Variants in SLC5A10 observed in about 807,000 individuals in gnomAD.
The protein encoded by SLC5A10 is solute carrier family 5 member 10.
Under a neutral mutation model 68.9 loss-of-function variants are expected in SLC5A10, and 55 were observed. The observed-to-expected ratio is 0.80, with a 90% CI of 0.64 to 1.00. The LOEUF (loss-of-function observed/expected upper bound fraction) is 1.00. SLC5A10 is among the 50% of genes least tolerant of loss of function. The probability of loss-of-function intolerance (pLI) is 0.00; values close to 1 mark genes in which losing one functional copy is unlikely to be tolerated. For missense variants in SLC5A10, 732 were observed against 819.3 expected, an observed-to-expected ratio of 0.89 and a Z score of 1.30; for synonymous variants, 344 against 344.8, an observed-to-expected ratio of 1.00 and a Z score of 0.02.
intron 9 of SLC5A10, among the ~76,000 whole-genome samples, chr17:19,005,966 G>C (rs1597900634): frequency 6.6e-6 from 1 of 152,300 alleles, no homozygotes; most frequent in East Asian, 1.9e-4. Context: ...CTCTGCTACT[G>C]TGGATCCCCT....
chr17:18,990,965 C>T (rs754264113), intron 9 of SLC5A10, among the ~76,000 whole-genome samples: 6 of 152,208 alleles, frequency 3.9e-5, no homozygotes, highest in Non-Finnish European at 7.3e-5. Context: ...CCCAGAGCAC[C>T]TTCTGCACAA....
At chr17:18,978,734 C>A (rs770977614) in intron 9 of SLC5A10, 110 of 1,612,872 alleles carry the variant, frequency 6.8e-5, no homozygotes, top group Non-Finnish European at 9.2e-5. Flanking sequence ...GCCCTTGAGG[C>A]TCACACTGTG....
At chr17:18,979,774 G>A in intron 9 of SLC5A10, 2 of 1,350,518 alleles carry the variant, frequency 1.5e-6, no homozygotes, top group Non-Finnish European at 2.1e-6. Context: ...GGACTCTGGA[G>A]TAGTCAGGAG....
chr17:19,008,222 C>T (rs757859355), intron 9 of SLC5A10, among the ~76,000 whole-genome samples: 39 of 152,318 alleles, frequency 2.6e-4, no homozygotes, highest in South Asian at 4.1e-4. Context: ...ACCCTGGGTG[C>T]TTTCCCCCAC....
At position 19,003,503 on chromosome 17, in the gene SLC5A10, T is replaced by A; in HGVS notation, c.983-9907T>A. On this transcript the variant is annotated intron_variant, in intron 9 of 14. Transcript: ENST00000395645. This position sits in a 1 kb window ranked among gnomAD's most constrained non-coding sequence, Gnocchi z 4.5. ...GCTGGTTGGGCCATGGCTCCAGGAGTCCCCGCGCTGCCTCACCTTCTGTGC... is the reference window on the plus strand; with the variant it reads ...GCTGGTTGGGCCATGGCTCCAGGAGACCCCGCGCTGCCTCACCTTCTGTGC... 2 of 1,516,478 alleles carry A rather than the reference T, an allele frequency of 1.3e-6. No homozygotes were observed. Among genetic ancestry groups the A allele is most frequent in the Non-Finnish European group, 1.8e-6 (2 of 1,131,688 alleles). 93.9% of individuals were successfully genotyped at this position (1,516,478 alleles called of 1,614,324 possible). A position where few individuals can be genotyped will look rare whatever the true frequency, so the allele number is the denominator to read the frequency against.
intron 7 of SLC5A10, chr17:18,970,809 G>A (rs990029106): frequency 2.2e-5 from 13 of 587,342 alleles, no homozygotes; most frequent in African/African-American, 5.6e-5. Context: ...TTTTAAATAC[G>A]AATAAAATAG....
At chr17:18,985,085 C>T (rs1267191230) in intron 9 of SLC5A10, among the ~76,000 whole-genome samples, 2 of 152,214 alleles carry the variant, frequency 1.3e-5, no homozygotes, top group Admixed American at 6.5e-5. Context: ...GGGTGAACCA[C>T]AGCCAGACCC....
At chr17:19,009,419 C>T (rs114381413) in intron 9 of SLC5A10, among the ~76,000 whole-genome samples, 28 of 152,190 alleles carry the variant, frequency 1.8e-4, no homozygotes, top group African/African-American at 6.7e-4. Context: ...TGGGGTCTCC[C>T]TATATTGGTC....
intron 9 of SLC5A10, among the ~76,000 whole-genome samples, chr17:18,988,578 G>A (rs1156680878): frequency 6.6e-6 from 1 of 152,238 alleles, no homozygotes; most frequent in Non-Finnish European, 1.5e-5. Flanking sequence ...GAGGGGCCAG[G>A]GGCCTCTCTT....
intron 4 of SLC5A10, among the ~76,000 whole-genome samples, chr17:18,960,175 C>T (rs1364972561): frequency 6.6e-6 from 1 of 152,246 alleles, no homozygotes; most frequent in Non-Finnish European, 1.5e-5. Context: ...CTGTCCCCAG[C>T]TCTGCCCCTC....
rs115528603 is a variant in SLC5A10 at position 18,999,609 on chromosome 17, G to A, written c.983-13801G>A. ...AAAGTGCCCGCTCAGCACCTGGCGC[G>A]GGGCTGGCATTTAGTAAGCACCTCA... is the stretch of plus-strand genomic sequence containing the variant. On this transcript the variant is annotated intron_variant, in intron 9 of 14. Transcript: ENST00000395645. 2.0e-3 allele frequency among the ~76,000 whole-genome samples: 304 copies of A among 152,334 alleles called. 1 individual carries two copies. The highest frequency in any genetic ancestry group is 6.9e-3 in the African/African-American group (285 of 41,574).
intron 10 of SLC5A10, 36 bp downstream of exon 10, chr17:19,013,553 G>A (rs759642697): frequency 1.6e-5 from 25 of 1,535,824 alleles, no homozygotes; most frequent in Admixed American, 1.0e-4. Flanking sequence ...GGTGGAGGGC[G>A]TGGGGTTGGA....
At chr17:18,954,471 G>A (rs1265191778) in intron 1 of SLC5A10, among the ~76,000 whole-genome samples, 2 of 152,184 alleles carry the variant, frequency 1.3e-5, no homozygotes, top group Non-Finnish European at 2.9e-5. Context: ...GTCCCTCCTA[G>A]CAGGCTAGGC....
Position 18,969,059 on chromosome 17 carries a change from T to C in SLC5A10, c.461T>C (p.Leu154Pro), listed in dbSNP as rs775806535. ...LSVFTKISLD[L>P]YAGALFVHIC... ...GGCTCTCTCCCTCCGCAGCTGGACCTGTACGCGGGGGCTCTGTTTGTGCAC... is the reference window on the plus strand; with the variant it reads ...GGCTCTCTCCCTCCGCAGCTGGACCCGTACGCGGGGGCTCTGTTTGTGCAC... The change falls in exon 6 of 15, where the codon CTG (leucine) becomes CCG (proline). Residue 154 changes from leucine (L) to proline (P), a missense_variant. Transcript: ENST00000395645. The C allele has an allele frequency of 6.2e-7, 1 of 1,613,392 alleles. No homozygotes were observed. Among genetic ancestry groups the C allele is most frequent in the Non-Finnish European group, 8.5e-7 (1 of 1,179,682 alleles).
At chr17:18,961,145 C>T (rs2042606606) in intron 5 of SLC5A10, among the ~76,000 whole-genome samples, 1 of 152,178 alleles carries the variant, frequency 6.6e-6, no homozygotes. Flanking sequence ...CAGGAGCACA[C>T]CTCGAATGTC....
rs1197978609 is a variant in SLC5A10 at position 18,952,170 on chromosome 17, C to T, written c.-36C>T. On this transcript the variant is annotated 5_prime_UTR_variant, in exon 1 of 15. Coordinates refer to ENST00000395645, the MANE Select transcript of SLC5A10 (RefSeq NM_001042450.4). ...TCTGACCTGGTTTGCCCCTCAGTCC[C>T]TCGGGCTCATACCTAGTGCCTGCGG... is the stretch of plus-strand genomic sequence containing the variant. 6 of 1,598,248 alleles carry T rather than the reference C, an allele frequency of 3.8e-6. No homozygotes were observed. The East Asian group carries it at 9.1e-5, about 24-fold the overall frequency.
In SLC5A10 at chr17:19,019,857, G is replaced by A. The variant is rs751294770; in HGVS notation, c.1555G>A (p.Ala519Thr). 1.1e-5 allele frequency: 17 copies of A among 1,613,240 alleles called. No homozygotes were observed. In the Admixed American group the frequency reaches 1.5e-4, roughly 14 times the overall value. The change falls in exon 13 of 15, where the codon GCC becomes ACC. Residue 519 changes from alanine to threonine, a missense_variant. By Grantham distance (58) the Ala-to-Thr change is moderately conservative. Coordinates refer to ENST00000395645, the MANE Select transcript of SLC5A10 (RefSeq NM_001042450.4). Reference sequence around the variant, plus strand: ...CATCCACTACCTGCACTTCGCTGTCGCCCTCTTTGCACTCAGTGGTGCTGT... The same window carrying A: ...CATCCACTACCTGCACTTCGCTGTCACCCTCTTTGCACTCAGTGGTGCTGT... ...GSIHYLHFAV[A>T]LFALSGAVVV...
At chr17:18,974,554 C>T (rs1034835530) in intron 8 of SLC5A10, among the ~76,000 whole-genome samples, 2 of 152,200 alleles carry the variant, frequency 1.3e-5, no homozygotes, top group Non-Finnish European at 2.9e-5. Context: ...AGCTCCAGGC[C>T]GGGTGCCCTC....
rs2043803270 is a variant in SLC5A10 at position 19,003,858 on chromosome 17, G to T, written c.983-9552G>T. 3.7e-6 allele frequency: 6 copies of T among 1,613,072 alleles called. No individual in the cohort carries two copies. The highest frequency in any genetic ancestry group is 5.1e-6 in the Non-Finnish European group (6 of 1,179,936). On this transcript the variant is annotated intron_variant, in intron 9 of 14. Coordinates refer to ENST00000395645, the MANE Select transcript of SLC5A10 (RefSeq NM_001042450.4). This position sits in a 1 kb window ranked among gnomAD's most constrained non-coding sequence, Gnocchi z 4.5. ...GTCTCCAGGATGCGCTTGAGCTCCA[G>T]CTCCGAGAGGAAGTCTCGGATGTTC...
Sources: allele counts gnomAD v4.1 joint callset (sites outside exome capture counted in the v4.1 genomes callset), GRCh38; gene constraint gnomAD v4.1.1; non-coding constraint Gnocchi (gnomAD v3.1); transcripts MANE v1.5; gene names NCBI Gene and HGNC (gene_info 2026-07-23, HGNC 2026-07-21).